The following SGCG variants were observed in gnomAD, a reference collection of about 807,000 sequenced individuals.
SGCG encodes the protein gamma-sarcoglycan.
SGCG carries 26 observed loss-of-function variants against 29.3 expected under a neutral mutation model. The observed-to-expected ratio is 0.89, with a 90% CI of 0.65 to 1.23. The LOEUF (loss-of-function observed/expected upper bound fraction) is 1.23. Ranked by LOEUF, SGCG falls within the 50% of genes most tolerant of loss-of-function variation. SGCG has a pLI of 0.00. For missense variants in SGCG, 353 were observed against 356.0 expected, an observed-to-expected ratio of 0.99 and a Z score of 0.07; for synonymous variants, 145 against 129.7, an observed-to-expected ratio of 1.12 and a Z score of -0.80.
the SGCG span, among the ~76,000 whole-genome samples, chr13:23,167,553 G>A: frequency 4.1e-4 from 63 of 152,132 alleles, no homozygotes; most frequent in East Asian, 5.4e-3. Flanking sequence ...CCACGTCCTC[G>A]CCAGCATTTG....
intron 6 of SGCG, among the ~76,000 whole-genome samples, chr13:23,320,432 C>T (rs1882988924): frequency 6.6e-6 from 1 of 152,088 alleles, no homozygotes; most frequent in Admixed American, 6.6e-5. Flanking sequence ...ATCTCATAGG[C>T]TTTCATTGAT....
intron 4 of SGCG, among the ~76,000 whole-genome samples, chr13:23,261,034 G>A (rs1040694092): frequency 6.6e-6 from 1 of 152,032 alleles, no homozygotes; most frequent in Non-Finnish European, 1.5e-5. Context: ...TCTTCTCAAG[G>A]AGTATCTTTG....
At chr13:23,262,296 T>C (rs1381789214) in intron 4 of SGCG, among the ~76,000 whole-genome samples, 1 of 151,884 alleles carries the variant, frequency 6.6e-6, no homozygotes, top group Non-Finnish European at 1.5e-5. Flanking sequence ...GACTCAAGGT[T>C]AAGGGGTCGA....
intron 1 of SGCG, among the ~76,000 whole-genome samples, chr13:23,198,708 T>A (rs1265032858): frequency 6.6e-6 from 1 of 151,608 alleles, no homozygotes; most frequent in Non-Finnish European, 1.5e-5. Context: ...TAGCTGGATG[T>A]GGTGGCGCAC....
upstream of SGCG, among the ~76,000 whole-genome samples, chr13:23,180,541 G>A (rs1876693295): frequency 1.3e-5 from 2 of 152,142 alleles, no homozygotes; most frequent in Admixed American, 1.3e-4. Flanking sequence ...GATGAGACTA[G>A]TATATAGGTA....
the SGCG span, among the ~76,000 whole-genome samples, chr13:23,168,576 A>T: frequency 6.6e-6 from 1 of 152,336 alleles, no homozygotes; most frequent in South Asian, 2.1e-4. Flanking sequence ...GCTTGAGGAC[A>T]GTTGGTAATT....
chr13:23,279,899 T>C (rs1881244090), intron 5 of SGCG, among the ~76,000 whole-genome samples: 1 of 152,118 alleles, frequency 6.6e-6, no homozygotes, highest in African/African-American at 2.4e-5. Context: ...GGCTAATTTT[T>C]GTATTTTTCG....
At chr13:23,270,467 T>A (rs1021430086) in intron 4 of SGCG, among the ~76,000 whole-genome samples, 1 of 152,164 alleles carries the variant, frequency 6.6e-6, no homozygotes, top group Non-Finnish European at 1.5e-5. Flanking sequence ...TGAGGGCCAT[T>A]TTTGTATCTT....
intron 3 of SGCG, among the ~76,000 whole-genome samples, chr13:23,236,453 A>G (rs1029820652): frequency 3.4e-4 from 52 of 152,154 alleles, no homozygotes; most frequent in African/African-American, 8.7e-4. Flanking sequence ...CGAGGCGGGC[A>G]GATCACAAGG....
chr13:23,249,942 TTC>T (rs1328325954), intron 3 of SGCG, among the ~76,000 whole-genome samples: 2 of 152,216 alleles, frequency 1.3e-5, no homozygotes, highest in Admixed American at 6.5e-5. Context: ...TTAGGTATAA[TTC>T]TGTTTGTTTT....
chr13:23,221,205 G>A (rs1343131822), intron 2 of SGCG, among the ~76,000 whole-genome samples: 6 of 152,086 alleles, frequency 3.9e-5, no homozygotes, highest in Non-Finnish European at 5.9e-5. Flanking sequence ...CTAAAAACAC[G>A]AAACCCTGAA....
chr13:23,322,829 C>T lies in SGCG; in HGVS notation c.703-1539C>T, dbSNP rs530386655. Among the ~76,000 whole-genome samples the T allele has an allele frequency of 6.3e-5, 9 of 142,358 alleles. No individual in the cohort carries two copies. In the South Asian group the frequency reaches 1.2e-3, roughly 19 times the overall value. 93.4% of individuals were successfully genotyped at this position (142,358 alleles called of 152,430 possible). A position where few individuals can be genotyped will look rare whatever the true frequency, so the allele number is the denominator to read the frequency against. ...CGTGGTGCCGCGGGCAGAGGATTCA[C>T]CTGGAAGTCAGGAAGCCTGAGTCCT... On this transcript the variant is annotated intron_variant, in intron 7 of 7. Transcript: ENST00000218867.
chr13:23,210,395 T>C (rs1417665345), intron 2 of SGCG, among the ~76,000 whole-genome samples: 1 of 152,152 alleles, frequency 6.6e-6, no homozygotes, highest in African/African-American at 2.4e-5. Context: ...CCATTTAGTA[T>C]ATAATAGATT....
At chr13:23,295,599 G>A in intron 6 of SGCG, 112 bp downstream of exon 6, 3 of 823,398 alleles carry the variant, frequency 3.6e-6, no homozygotes, top group South Asian at 2.7e-5. Context: ...TTCATCAGTT[G>A]CCTTTATTTT....
intron 5 of SGCG, among the ~76,000 whole-genome samples, chr13:23,283,812 G>A (rs1167370963): frequency 1.1e-4 from 16 of 152,246 alleles, no homozygotes. Context: ...CAGGCCTGGT[G>A]GTGACAAAAT....
chr13:23,169,646 T>C, the SGCG span, among the ~76,000 whole-genome samples: 1 of 150,622 alleles, frequency 6.6e-6, no homozygotes, highest in Non-Finnish European at 1.5e-5. Context: ...GCCACTGCAC[T>C]CCAGCCCAGC....
chr13:23,166,022 C>G, the SGCG span, among the ~76,000 whole-genome samples: 1 of 152,078 alleles, frequency 6.6e-6, no homozygotes, highest in African/African-American at 2.4e-5. Context: ...AATCTATGTG[C>G]CTTTTATTTC....
chr13:23,287,996 G>A (rs1380925138), intron 5 of SGCG, among the ~76,000 whole-genome samples: 1 of 152,092 alleles, frequency 6.6e-6, no homozygotes, highest in African/African-American at 2.4e-5. Flanking sequence ...CTCGTGATCT[G>A]CCCGCCTCAG....
intron 5 of SGCG, among the ~76,000 whole-genome samples, chr13:23,289,680 A>G (rs1881627188): frequency 1.3e-5 from 2 of 152,156 alleles, no homozygotes; most frequent in Non-Finnish European, 2.9e-5. Context: ...TATCTGTGCC[A>G]TATTATTTCA....
Sources: allele counts gnomAD v4.1 joint callset (sites outside exome capture counted in the v4.1 genomes callset), GRCh38; gene constraint gnomAD v4.1.1; transcripts MANE v1.5; gene names NCBI Gene and HGNC (gene_info 2026-07-23, HGNC 2026-07-21).